PDLIM5: variants seen among roughly 807,000 people sequenced by gnomAD.
The protein encoded by PDLIM5 is PDZ and LIM domain protein 5.
A neutral mutation model predicts 64.2 loss-of-function variants in PDLIM5; 34 were observed. The observed-to-expected ratio is 0.53, with a 90% CI of 0.40 to 0.71. The LOEUF (loss-of-function observed/expected upper bound fraction) is 0.71, where lower values mean the gene tolerates loss of function less well. Ranked by LOEUF, PDLIM5 falls within the 30% of genes least tolerant of loss-of-function variation. The pLI, the probability that PDLIM5 is intolerant of heterozygous loss-of-function variation, is 0.00. For missense variants in PDLIM5, 683 were observed against 733.6 expected (o/e 0.93, Z 0.80); for synonymous variants, 253 against 269.1 (o/e 0.94, Z 0.59).
intron 7 of PDLIM5, among the ~76,000 whole-genome samples, chr4:94,592,341 G>A (rs1736732132): frequency 6.6e-6 from 1 of 152,198 alleles, no homozygotes; most frequent in Non-Finnish European, 1.5e-5. Context: ...GGAATCTTAA[G>A]TATTAGCCAT....
At chr4:94,624,509 G>A (rs1468032553) in intron 8 of PDLIM5, among the ~76,000 whole-genome samples, 2 of 152,130 alleles carry the variant, frequency 1.3e-5, no homozygotes, top group African/African-American at 4.8e-5. Context: ...CCAGTTCAGA[G>A]GCATGGAGGT....
At chr4:94,518,420 A>T (rs746724663) in intron 2 of PDLIM5, among the ~76,000 whole-genome samples, 8 of 152,156 alleles carry the variant, frequency 5.3e-5, no homozygotes, top group Admixed American at 2.0e-4. Context: ...CTGTCTTGAG[A>T]TATTAATATT....
chr4:94,512,798 A>C (rs1217283782), intron 2 of PDLIM5, among the ~76,000 whole-genome samples: 1 of 152,030 alleles, frequency 6.6e-6, no homozygotes. Flanking sequence ...TTGCCGAAGA[A>C]ATTTTTGCCC....
intron 2 of PDLIM5, among the ~76,000 whole-genome samples, chr4:94,523,472 A>G (rs1294748666): frequency 6.6e-6 from 1 of 152,228 alleles, no homozygotes; most frequent in East Asian, 1.9e-4. Context: ...AAATGGAGAA[A>G]TGATCAGGGA....
At chr4:94,456,217 A>G in intron 2 of PDLIM5, 1 of 439,708 alleles carries the variant, frequency 2.3e-6, no homozygotes, top group Non-Finnish European at 4.0e-6. Flanking sequence ...GTTTTTTTTG[A>G]GACAGAGTTT....
intron 7 of PDLIM5, among the ~76,000 whole-genome samples, chr4:94,609,846 T>G (rs770192994): frequency 2.4e-4 from 37 of 152,200 alleles, no homozygotes; most frequent in Non-Finnish European, 1.6e-4. Flanking sequence ...TCTACTAAGT[T>G]GTTGGCAAGT....
chr4:94,515,375 A>G (rs535302624), intron 2 of PDLIM5, among the ~76,000 whole-genome samples: 5 of 152,342 alleles, frequency 3.3e-5, no homozygotes, highest in African/African-American at 7.2e-5. Context: ...TTTATAAGCT[A>G]TACTTACCTT....
intron 2 of PDLIM5, among the ~76,000 whole-genome samples, chr4:94,506,471 G>C (rs1447794478): frequency 2.0e-5 from 3 of 152,156 alleles, no homozygotes; most frequent in Non-Finnish European, 4.4e-5. Context: ...CTTCAGGATG[G>C]TACCTGATAG....
At chr4:94,488,289 GA>G (rs1292633949) in intron 2 of PDLIM5, among the ~76,000 whole-genome samples, 1 of 152,294 alleles carries the variant, frequency 6.6e-6, no homozygotes, top group East Asian at 1.9e-4. Context: ...AATAGCCAAA[GA>G]GCTGCTGTTC....
At chr4:94,527,013 G>T (rs1730423067) in intron 3 of PDLIM5, among the ~76,000 whole-genome samples, 1 of 147,334 alleles carries the variant, frequency 6.8e-6, no homozygotes, top group South Asian at 2.1e-4. Flanking sequence ...GGAATTACAG[G>T]CATGAGCCAT....
At chr4:94,640,651 A>T (rs774699441) in intron 9 of PDLIM5, among the ~76,000 whole-genome samples, 2 of 152,186 alleles carry the variant, frequency 1.3e-5, no homozygotes, top group African/African-American at 2.4e-5. Flanking sequence ...AGGTCTGTGA[A>T]AATAAAAGTA....
At chr4:94,658,287 G>A (rs1331557737) in intron 11 of PDLIM5, among the ~76,000 whole-genome samples, 1 of 152,152 alleles carries the variant, frequency 6.6e-6, no homozygotes, top group East Asian at 1.9e-4. Flanking sequence ...GAATGAGAAG[G>A]TAATCCTGAC....
chr4:94,473,550 G>A (rs776708274), intron 2 of PDLIM5, among the ~76,000 whole-genome samples: 3 of 152,182 alleles, frequency 2.0e-5, no homozygotes, highest in African/African-American at 4.8e-5. Flanking sequence ...ATGAGCCACC[G>A]CGCCTGGCCC....
intron 8 of PDLIM5, among the ~76,000 whole-genome samples, chr4:94,634,247 A>T (rs1254466348): frequency 6.6e-6 from 1 of 152,188 alleles, no homozygotes; most frequent in East Asian, 1.9e-4. Flanking sequence ...ATCTACAGGC[A>T]GTCACTGCTC....
At chr4:94,585,369 C>G (rs982436304) in intron 5 of PDLIM5, among the ~76,000 whole-genome samples, 196 bp from the exon 6 acceptor site, 4 of 152,186 alleles carry the variant, frequency 2.6e-5, no homozygotes, top group Admixed American at 1.3e-4. Flanking sequence ...GGATTACAGG[C>G]GTGAGCCACC....
At position 94,494,432 on chromosome 4, in the gene PDLIM5, G is replaced by GGT. The variant is rs1553940971; in HGVS notation, c.97-29292_97-29291insGT. Among the ~76,000 whole-genome samples, 31 of 70,770 alleles carry GGT rather than the reference G, an allele frequency of 4.4e-4. 2 individuals are homozygous for GGT. Among genetic ancestry groups the GGT allele is most frequent in the South Asian group, 3.7e-3 (4 of 1,072 alleles). 46.4% of individuals were successfully genotyped at this position (70,770 alleles called of 152,430 possible). ...AGCATTCACTAATTTTTTTTTTCTT[G>GGT]TTTTTTTTTTTTTTTTTTTTTTTTG... On this transcript the variant is annotated intron_variant, in intron 2 of 12. Transcript: ENST00000317968.
intron 3 of PDLIM5, chr4:94,549,757 C>T (rs2110206984): frequency 6.6e-6 from 1 of 152,148 alleles, no homozygotes; most frequent in South Asian, 2.1e-4. Context: ...CATATTTTCC[C>T]TTTGTCTTCC....
chr4:94,542,332 A>T (rs78149053), intron 3 of PDLIM5, among the ~76,000 whole-genome samples: 2,913 of 150,286 alleles, frequency 0.019, 79 homozygotes, highest in East Asian at 0.069. Flanking sequence ...ATAAATAAAT[A>T]AAGTAAGTAA....
intron 5 of PDLIM5, among the ~76,000 whole-genome samples, chr4:94,585,165 A>G (rs1736070049): frequency 1.3e-5 from 2 of 152,120 alleles, no homozygotes. Flanking sequence ...ATCTTGGCTC[A>G]CTGCAACCTC....
Sources: gnomAD v4.1 joint callset for allele counts (sites outside exome capture counted in the v4.1 genomes callset) on GRCh38, gnomAD v4.1.1 for gene constraint, MANE v1.5 for transcripts, NCBI Gene and HGNC (gene_info 2026-07-23, HGNC 2026-07-21) for gene names.